BCAS3: variants seen among roughly 807,000 people sequenced by gnomAD.
BCAS3 encodes the protein BCAS4/BCAS3 fusion.
Under a neutral mutation model 116.1 loss-of-function variants are expected in BCAS3, and 53 were observed. The ratio of observed to expected loss-of-function variants is 0.46; its 90% CI spans 0.37 to 0.57. The LOEUF is 0.57. Among genes scored for constraint, BCAS3 ranks in the 20% least tolerant of loss-of-function variants. BCAS3 has a pLI of 0.00. For synonymous variants in BCAS3, 391 were observed against 408.2 expected, an observed-to-expected ratio of 0.96 and a Z score of 0.51; for missense variants, 917 against 1,165.4, an observed-to-expected ratio of 0.79 and a Z score of 3.10.
chr17:60,707,739 T>A (rs552961161), intron 4 of BCAS3, among the ~76,000 whole-genome samples: 1 of 152,326 alleles, frequency 6.6e-6, no homozygotes, highest in Non-Finnish European at 1.5e-5. Context: ...AATGCTTTTT[T>A]AACATATATT....
At position 61,241,335 on chromosome 17, in the gene BCAS3, C is replaced by A. The variant is rs2047497331; in HGVS notation, c.2426-126992C>A. On this transcript the variant is annotated intron_variant, in intron 22 of 23. Transcript: ENST00000407086. The surrounding 1 kb of genome is among the most constrained non-coding windows in gnomAD (Gnocchi z 4.6). ...TGGCTCTGTTGTCCTCTGCTTGTTTCATCTTGTGACTTAAAACACACACAC... is the reference window on the plus strand; with the variant it reads ...TGGCTCTGTTGTCCTCTGCTTGTTTAATCTTGTGACTTAAAACACACACAC... Among the ~76,000 whole-genome samples, 1 of 151,964 alleles carries A rather than the reference C, an allele frequency of 6.6e-6. No individual in the cohort carries two copies. The highest frequency in any genetic ancestry group is 6.6e-5 in the Admixed American group (1 of 15,234).
Position 60,719,991 on chromosome 17 carries a change from C to G in BCAS3, c.321+10666C>G, listed in dbSNP as rs1468473096. Among the ~76,000 whole-genome samples the G allele has an allele frequency of 2.0e-5, 3 of 152,130 alleles. No individual in the cohort carries two copies. The East Asian group carries it at 5.8e-4, about 29-fold the overall frequency. ...ATAGAATTTGATTATTAGACTTACA[C>G]TATGTTAAAAATCATGTAAAGCAAA... On this transcript the variant is annotated intron_variant, in intron 5 of 23. Coordinates refer to ENST00000407086, the MANE Select transcript of BCAS3 (RefSeq NM_017679.5).
At chr17:60,708,422 C>T (rs149442320) in intron 4 of BCAS3, among the ~76,000 whole-genome samples, 348 of 146,096 alleles carry the variant, frequency 2.4e-3, no homozygotes, top group African/African-American at 8.4e-3. Flanking sequence ...ACAGTGGTGC[C>T]ATCATAGCTC....
intron 8 of BCAS3, among the ~76,000 whole-genome samples, chr17:60,871,302 T>C (rs1053125421): frequency 6.6e-6 from 1 of 152,220 alleles, no homozygotes; most frequent in African/African-American, 2.4e-5. Context: ...TAGCTGGAAC[T>C]GCAGGCATGT....
At chr17:60,804,310 A>G (rs2048083102) in intron 6 of BCAS3, among the ~76,000 whole-genome samples, 1 of 151,108 alleles carries the variant, frequency 6.6e-6, no homozygotes, top group Non-Finnish European at 1.5e-5. Flanking sequence ...GTGAAACCCC[A>G]TCTCTACTAA....
At position 61,207,217 on chromosome 17, in the gene BCAS3, A is replaced by G. The variant is rs8076456; in HGVS notation, c.2425+122653A>G. On this transcript the variant is annotated intron_variant, in intron 22 of 23. Transcript: ENST00000407086. ...TTTTCTTCTCTGTCCTTATATTACT[A>G]TATCACCTGTTCTCCAGCCTATGGG... 2.4e-3 allele frequency among the ~76,000 whole-genome samples: 368 copies of G among 152,254 alleles called. 5 individuals are homozygous for G. The highest frequency in any genetic ancestry group is 0.014 in the Middle Eastern group (4 of 294).
At chr17:60,953,576 G>A (rs1002855874) in intron 14 of BCAS3, among the ~76,000 whole-genome samples, 1 of 151,900 alleles carries the variant, frequency 6.6e-6, no homozygotes, top group Non-Finnish European at 1.5e-5. Context: ...TTTGATTGGA[G>A]CCCATTTGTC....
intron 19 of BCAS3, among the ~76,000 whole-genome samples, chr17:61,062,167 T>C (rs370974189): frequency 6.6e-6 from 1 of 152,204 alleles, no homozygotes; most frequent in East Asian, 1.9e-4. Context: ...TTTAATTAAA[T>C]ATGAATTTTT....
chr17:61,327,493 A>G lies in BCAS3; in HGVS notation c.2426-40834A>G, dbSNP rs114349673. ...CAAGTATGTGGAGATGAGGGAGCAAATAGAAAATGAAGCAAAATTTTTTTT... is the reference window on the plus strand; with the variant it reads ...CAAGTATGTGGAGATGAGGGAGCAAGTAGAAAATGAAGCAAAATTTTTTTT... On this transcript the variant is annotated intron_variant, in intron 22 of 23. Transcript: ENST00000407086. The surrounding 1 kb of genome is among the most constrained non-coding windows in gnomAD (Gnocchi z 5.9). Among the ~76,000 whole-genome samples the G allele has an allele frequency of 0.011, 1,720 of 152,110 alleles. 40 individuals carry two copies. Among genetic ancestry groups the G allele is most frequent in the African/African-American group, 0.038 (1,579 of 41,496 alleles).
chr17:61,346,505 A>G lies in BCAS3; in HGVS notation c.2426-21822A>G, dbSNP rs1158744506. On this transcript the variant is annotated intron_variant, in intron 22 of 23. Coordinates refer to ENST00000407086, the MANE Select transcript of BCAS3 (RefSeq NM_017679.5). This position sits in a 1 kb window ranked among gnomAD's most constrained non-coding sequence, Gnocchi z 5.4. ...GCTCTGTGGGATAGCAGCACATTCA[A>G]GCATTGACTGTGTATCAGGTGCTGT... Among the ~76,000 whole-genome samples, 1 of 152,200 alleles carries G rather than the reference A, an allele frequency of 6.6e-6. No homozygotes were observed. Among genetic ancestry groups the G allele is most frequent in the Non-Finnish European group, 1.5e-5 (1 of 68,050 alleles).
chr17:60,841,387 T>A (rs2051889045), intron 7 of BCAS3, among the ~76,000 whole-genome samples: 1 of 151,024 alleles, frequency 6.6e-6, no homozygotes, highest in African/African-American at 2.4e-5. Flanking sequence ...ATACTTTTTT[T>A]TTTTTTTTTT....
chr17:60,798,543 GTCTGTTGT>G (rs1296029416), intron 6 of BCAS3, among the ~76,000 whole-genome samples: 1 of 152,068 alleles, frequency 6.6e-6, no homozygotes, highest in East Asian at 1.9e-4. Flanking sequence ...TTTCTTTTTA[GTCTGTTGT>G]TTGGATATAT....
intron 3 of BCAS3, among the ~76,000 whole-genome samples, chr17:60,685,195 G>A (rs2033831968): frequency 6.6e-6 from 1 of 152,076 alleles, no homozygotes; most frequent in Non-Finnish European, 1.5e-5. Context: ...GGCCGGGTGC[G>A]GTGGCTCACG....
rs780972102 is a variant in BCAS3 at position 60,889,776 on chromosome 17, G to T, written c.738+5G>T. On this transcript the variant is annotated splice_donor_5th_base_variant and intron_variant, in intron 10 of 23. Coordinates refer to ENST00000407086, the MANE Select transcript of BCAS3 (RefSeq NM_017679.5). ...CTTGCTTATGCAGAAAACAAGGTAA[G>T]ACGTGGCCTGTGTTTGGATTATTTG... 6.2e-7 allele frequency: 1 copy of T among 1,608,640 alleles called. No individual in the cohort carries two copies. Among genetic ancestry groups the T allele is most frequent in the Non-Finnish European group, 8.5e-7 (1 of 1,175,972 alleles).
At chr17:60,717,336 C>T (rs962692553) in intron 5 of BCAS3, among the ~76,000 whole-genome samples, 3 of 151,918 alleles carry the variant, frequency 2.0e-5, no homozygotes, top group African/African-American at 7.3e-5. Context: ...CTGCCTCAGC[C>T]TCCCTAGTAG....
At chr17:61,268,278 G>C (rs2049931082) in intron 22 of BCAS3, among the ~76,000 whole-genome samples, 1 of 152,096 alleles carries the variant, frequency 6.6e-6, no homozygotes, top group Non-Finnish European at 1.5e-5. Flanking sequence ...TGGGAAAGTA[G>C]AATTTTACAG....
rs1243834578 is a variant in BCAS3, at chr17:61,337,484, G to T, written c.2426-30843G>T. 7.2e-5 allele frequency among the ~76,000 whole-genome samples: 11 copies of T among 152,118 alleles called. No individual in the cohort carries two copies. The highest frequency in any genetic ancestry group is 2.1e-4 in the South Asian group (1 of 4,828). On this transcript the variant is annotated intron_variant, in intron 22 of 23. Coordinates refer to ENST00000407086, the MANE Select transcript of BCAS3 (RefSeq NM_017679.5). This position sits in a 1 kb window ranked among gnomAD's most constrained non-coding sequence, Gnocchi z 4.8. ...ACGCTTGGCTTTGCCCACAGCCCTC[G>T]GCCCCAGGTCTTCCTCTTGGAGCAA...
At chr17:61,314,059 C>T (rs950627979) in intron 22 of BCAS3, among the ~76,000 whole-genome samples, 1 of 152,216 alleles carries the variant, frequency 6.6e-6, no homozygotes, top group Non-Finnish European at 1.5e-5. Context: ...AATGTCAGAA[C>T]TGGAAGGGCC....
rs1462940904 is a variant in BCAS3 at position 61,217,854 on chromosome 17, C to T, written c.2425+133290C>T. 2.0e-5 allele frequency among the ~76,000 whole-genome samples: 3 copies of T among 152,080 alleles called. No homozygotes were observed. Among genetic ancestry groups the T allele is most frequent in the Admixed American group, 1.3e-4 (2 of 15,278 alleles). On this transcript the variant is annotated intron_variant, in intron 22 of 23. Transcript: ENST00000407086. The surrounding 1 kb of genome is among the most constrained non-coding windows in gnomAD (Gnocchi z 5.2). Reference sequence around the variant, plus strand: ...CCAAGCACAAAATAAACTAGAAAAGCGTCGGACTTCTCTGTAACAACAGTC... The same window carrying T: ...CCAAGCACAAAATAAACTAGAAAAGTGTCGGACTTCTCTGTAACAACAGTC...
Sources: gnomAD v4.1 joint callset for allele counts (sites outside exome capture counted in the v4.1 genomes callset) on GRCh38, gnomAD v4.1.1 for gene constraint, Gnocchi (gnomAD v3.1) non-coding constraint, MANE v1.5 for transcripts, NCBI Gene and HGNC (gene_info 2026-07-23, HGNC 2026-07-21) for gene names.